The following GRIK4 variants were observed in gnomAD, a reference collection of about 807,000 sequenced individuals.
GRIK4 encodes glutamate receptor ionotropic, kainate 4.
In GRIK4, 40 loss-of-function variants were observed where a neutral mutation model predicts 104.9. That is an observed-to-expected ratio of 0.38 (90% confidence interval 0.30 to 0.50). The LOEUF is 0.50. Among genes scored for constraint, GRIK4 ranks in the 20% least tolerant of loss-of-function variants. The pLI is 0.93. For missense variants in GRIK4, 1,047 were observed against 1,308.1 expected, an observed-to-expected ratio of 0.80 and a Z score of 3.08; for synonymous variants, 485 against 524.9, an observed-to-expected ratio of 0.92 and a Z score of 1.04.
At chr11:120,834,266 GTGT>G (rs1953514064) in intron 7 of GRIK4, among the ~76,000 whole-genome samples, 9 of 83,946 alleles carry the variant, frequency 1.1e-4, no homozygotes, top group Non-Finnish European at 1.9e-4. Context: ...CTTTATAGGT[GTGT>G]GTGTGTGTGT....
intron 7 of GRIK4, among the ~76,000 whole-genome samples, chr11:120,834,103 A>C (rs1953507990): frequency 6.6e-6 from 1 of 152,192 alleles, no homozygotes. Flanking sequence ...CTAGAAGTGG[A>C]ATTACTGAGT....
intron 19 of GRIK4, among the ~76,000 whole-genome samples, chr11:120,981,454 A>C (rs921408778): frequency 3.3e-5 from 5 of 152,202 alleles, no homozygotes; most frequent in African/African-American, 1.2e-4. Context: ...GTAAAAATAC[A>C]GATTCCTGGG....
intron 3 of GRIK4, among the ~76,000 whole-genome samples, chr11:120,682,710 G>A (rs930342407): frequency 6.6e-6 from 1 of 151,652 alleles, no homozygotes; most frequent in Non-Finnish European, 1.5e-5. Flanking sequence ...TACATGGGAA[G>A]TGGGTTGCAT....
intron 4 of GRIK4, among the ~76,000 whole-genome samples, chr11:120,812,087 A>G (rs1158872450): frequency 6.6e-6 from 1 of 152,236 alleles, no homozygotes; most frequent in Non-Finnish European, 1.5e-5. Context: ...TTAGAAGGGC[A>G]GGTTATAAAG....
intron 4 of GRIK4, among the ~76,000 whole-genome samples, chr11:120,810,267 GA>G (rs1298232921): frequency 6.6e-6 from 1 of 152,182 alleles, no homozygotes; most frequent in African/African-American, 2.4e-5. Context: ...GAGCCTTTTG[GA>G]CTTTGGAATT....
chr11:120,731,546 G>T (rs1951131310), intron 3 of GRIK4, among the ~76,000 whole-genome samples: 1 of 152,020 alleles, frequency 6.6e-6, no homozygotes, highest in Non-Finnish European at 1.5e-5. Context: ...ATATGTCTTT[G>T]TCTGGTTTTG....
chr11:120,753,523 T>C (rs1007236922), intron 3 of GRIK4, among the ~76,000 whole-genome samples: 1 of 152,172 alleles, frequency 6.6e-6, no homozygotes, highest in Non-Finnish European at 1.5e-5. Context: ...ACAAGTCCTA[T>C]GTAGATTTTA....
intron 19 of GRIK4, among the ~76,000 whole-genome samples, chr11:120,970,980 C>T (rs652418): frequency 0.78 from 118,231 of 152,052 alleles, 46,182 homozygotes; most frequent in Admixed American, 0.82. Flanking sequence ...CTCTGGAAAA[C>T]AGAGGTAATA....
At chr11:120,711,016 G>T (rs1950725805) in intron 3 of GRIK4, among the ~76,000 whole-genome samples, 1 of 150,570 alleles carries the variant, frequency 6.6e-6, no homozygotes. Flanking sequence ...GGTGTGAGCA[G>T]CTGCAGGGCC....
Position 120,549,010 on chromosome 11 carries a change from C to T in GRIK4, c.-159+37123C>T, listed in dbSNP as rs146713869. ...CAGGCAGGCCCAGGACACAGCACCT[C>T]GTGCATGACCAGGTTTCCCCTCTTC... On this transcript the variant is annotated intron_variant, in intron 1 of 20. Coordinates refer to ENST00000527524, the MANE Select transcript of GRIK4 (RefSeq NM_014619.5). This position sits in a 1 kb window ranked among gnomAD's most constrained non-coding sequence, Gnocchi z 4.7. 1.4e-4 allele frequency among the ~76,000 whole-genome samples: 21 copies of T among 152,290 alleles called. No homozygotes were observed. The highest frequency in any genetic ancestry group is 7.2e-4 in the Admixed American group (11 of 15,300).
intron 1 of GRIK4, among the ~76,000 whole-genome samples, chr11:120,588,212 A>G (rs1948692734): frequency 1.3e-5 from 2 of 152,154 alleles, no homozygotes; most frequent in Admixed American, 1.3e-4. Flanking sequence ...GAGGAGGTGA[A>G]ATAGCTTCTG....
chr11:120,609,065 A>G (rs1020626423), intron 1 of GRIK4, among the ~76,000 whole-genome samples: 1 of 152,138 alleles, frequency 6.6e-6, no homozygotes, highest in Non-Finnish European at 1.5e-5. Flanking sequence ...TGACATTTTA[A>G]TTGCATGTCA....
chr11:120,794,534 T>C (rs143579682), intron 3 of GRIK4, among the ~76,000 whole-genome samples: 258 of 152,166 alleles, frequency 1.7e-3, no homozygotes, highest in African/African-American at 6.0e-3. Flanking sequence ...CCGAATCCAG[T>C]TGGACTTCTG....
rs185113204 is a variant in GRIK4, at chr11:120,619,027, T to C, written c.-158-34658T>C. ...GAATGGTAGATCCACCAGCAGCTTGTATCTTGTGCCTGGAAAAGCTGCAGG... is the reference window on the plus strand; with the variant it reads ...GAATGGTAGATCCACCAGCAGCTTGCATCTTGTGCCTGGAAAAGCTGCAGG... On this transcript the variant is annotated intron_variant, in intron 1 of 20. Coordinates refer to ENST00000527524, the MANE Select transcript of GRIK4 (RefSeq NM_014619.5). 2.2e-3 allele frequency among the ~76,000 whole-genome samples: 330 copies of C among 152,260 alleles called. 1 individual carries two copies. The highest frequency in any genetic ancestry group is 7.5e-3 in the African/African-American group (310 of 41,562).
chr11:120,766,959 A>G (rs1951851398), intron 3 of GRIK4, among the ~76,000 whole-genome samples: 1 of 152,110 alleles, frequency 6.6e-6, no homozygotes, highest in Non-Finnish European at 1.5e-5. Context: ...GCCAATGGAT[A>G]TGTAGGTTGT....
intron 1 of GRIK4, among the ~76,000 whole-genome samples, chr11:120,562,537 T>C (rs1221638728): frequency 6.6e-6 from 1 of 152,102 alleles, no homozygotes; most frequent in African/African-American, 2.4e-5. Context: ...ATTGTGAGGC[T>C]GGTGGGGGCT....
At chr11:120,569,095 G>A (rs1190089994) in intron 1 of GRIK4, among the ~76,000 whole-genome samples, 1 of 152,206 alleles carries the variant, frequency 6.6e-6, no homozygotes, top group Non-Finnish European at 1.5e-5. Flanking sequence ...AGGGGAAGTG[G>A]CACAGGTGCT....
chr11:120,986,255 G>A lies in GRIK4; in HGVS notation c.2866G>A (p.Glu956Lys), dbSNP rs1256397874. 1.3e-5 allele frequency: 20 copies of A among 1,541,574 alleles called. No homozygotes were observed. The highest frequency in any genetic ancestry group is 1.6e-5 in the Non-Finnish European group (18 of 1,151,916). The change falls in exon 21 of 21, where the codon GAG becomes AAG. Residue 956 changes from glutamate to lysine, a missense_variant. By Grantham distance (56) the Glu-to-Lys change is moderately conservative. Around this residue, in one of 3 missense-constraint regions of GRIK4, gnomAD observed 160 missense variants for 140.9 expected, o/e 1.14. Coordinates refer to ENST00000527524, the MANE Select transcript of GRIK4 (RefSeq NM_014619.5). The stretch of plus-strand genomic sequence containing the variant: ...GAAAACCACCAACAGCAGCGAGCCC[G>A]AGTAGTCCCGGAGGCCACAGGACGC... ...WEKTTNSSEP[E>K] is the part of the protein sequence containing the mutation.
chr11:120,952,998 G>T lies in GRIK4; in HGVS notation c.1700+34G>T, dbSNP rs370451611. On this transcript the variant is annotated intron_variant, in intron 15 of 20. Transcript: ENST00000527524. The surrounding 1 kb of genome is among the most constrained non-coding windows in gnomAD (Gnocchi z 5.2). Reference sequence around the variant, plus strand: ...CTCTTCCCTTCCCTGTCCTTACACCGCCACCTCGTGTCCACCTCTGGGAAC... The same window carrying T: ...CTCTTCCCTTCCCTGTCCTTACACCTCCACCTCGTGTCCACCTCTGGGAAC... The T allele has an allele frequency of 5.2e-6, 7 of 1,339,010 alleles. No homozygotes were observed. In the Admixed American group the frequency reaches 1.2e-4, roughly 23 times the overall value. The allele number at this position is 1,339,010 out of a possible 1,614,324, so 82.9% of individuals were successfully genotyped here.
Sources: allele counts gnomAD v4.1 joint callset (sites outside exome capture counted in the v4.1 genomes callset), GRCh38; gene constraint gnomAD v4.1.1; regional missense constraint gnomAD v4.1.1; non-coding constraint Gnocchi (gnomAD v3.1); transcripts MANE v1.5; gene names NCBI Gene and HGNC (gene_info 2026-07-23, HGNC 2026-07-21).